FTCDNL1: variants seen among roughly 807,000 people sequenced by gnomAD.
FTCDNL1 encodes the protein formiminotransferase N-terminal subdomain-containing protein.
Under a neutral mutation model 5.9 loss-of-function variants are expected in FTCDNL1, and 11 were observed. That is an observed-to-expected ratio of 1.87 (90% CI 1.18 to 3.10). The LOEUF is 3.10. Among genes scored for constraint, FTCDNL1 ranks in the 30% most tolerant of loss-of-function variants. The pLI is 0.00. For missense variants in FTCDNL1, 115 were observed against 65.5 expected (o/e 1.76, Z -2.61); for synonymous variants, 58 against 24.8 (o/e 2.34, Z -3.99).
At chr2:199,771,075 G>T (rs1698785177) in intron 3 of FTCDNL1, among the ~76,000 whole-genome samples, 1 of 152,212 alleles carries the variant, frequency 6.6e-6, no homozygotes, top group African/African-American at 2.4e-5. Flanking sequence ...TTCTGAGCAT[G>T]CAATAATGAA....
chr2:199,777,126 C>A (rs1486962604), intron 3 of FTCDNL1, among the ~76,000 whole-genome samples: 1 of 151,822 alleles, frequency 6.6e-6, no homozygotes, highest in African/African-American at 2.4e-5. Context: ...AACCCCGTCT[C>A]CACTAAAAAT....
intron 3 of FTCDNL1, among the ~76,000 whole-genome samples, chr2:199,833,439 C>T (rs1702510749): frequency 6.6e-6 from 1 of 152,154 alleles, no homozygotes; most frequent in African/African-American, 2.4e-5. Context: ...ATATTGCTCC[C>T]CGTTTGTTAA....
chr2:199,724,696 TGTGA>T, the FTCDNL1 span, among the ~76,000 whole-genome samples: 82 of 152,146 alleles, frequency 5.4e-4, no homozygotes, highest in African/African-American at 1.9e-3. Flanking sequence ...TGTGGTTTTG[TGTGA>T]GTTTTTAAAT....
At chr2:199,710,897 T>C in the FTCDNL1 span, among the ~76,000 whole-genome samples, 7 of 152,184 alleles carry the variant, frequency 4.6e-5, no homozygotes, top group Non-Finnish European at 1.0e-4. Context: ...GTGGCAATAA[T>C]GACCTTACAA....
chr2:199,841,907 T>C (rs531238693), intron 3 of FTCDNL1, among the ~76,000 whole-genome samples: 1 of 152,298 alleles, frequency 6.6e-6, no homozygotes, highest in East Asian at 1.9e-4. Context: ...CTTAAAACAC[T>C]TCAGTGGTTA....
downstream of FTCDNL1, among the ~76,000 whole-genome samples, chr2:199,808,423 G>T (rs1700845829): frequency 6.6e-6 from 1 of 152,006 alleles, no homozygotes; most frequent in South Asian, 2.1e-4. Context: ...CATACAATTT[G>T]CCACTTTAGC....
At chr2:199,813,650 T>C (rs1000284178) in intron 4 of FTCDNL1, among the ~76,000 whole-genome samples, 3 of 152,148 alleles carry the variant, frequency 2.0e-5, no homozygotes, top group South Asian at 2.1e-4. Flanking sequence ...CGGTGGATCA[T>C]ACCTATAATC....
At chr2:199,806,490 C>G (rs115246522), downstream of FTCDNL1, among the ~76,000 whole-genome samples, 669 of 152,306 alleles carry the variant, frequency 4.4e-3, 3 homozygotes, top group African/African-American at 0.014. Flanking sequence ...GTATATCAAG[C>G]CTGCTTTGGC....
In FTCDNL1 at chr2:199,811,104, G is replaced by T. The variant is rs1014807566; in HGVS notation, c.*1601C>A. Among the ~76,000 whole-genome samples, 2 of 152,182 alleles carry T rather than the reference G, an allele frequency of 1.3e-5. No homozygotes were observed. The highest frequency in any genetic ancestry group is 2.9e-5 in the Non-Finnish European group (2 of 68,030). On this transcript the variant is annotated 3_prime_UTR_variant, in exon 5 of 5. Transcript: ENST00000420128. ...TTCCTCCTGGGAATTCTGCAGGAAT[G>T]AATCAGATTACAGTATTTCCCCATA...
At chr2:199,679,897 T>C in the FTCDNL1 span, among the ~76,000 whole-genome samples, 1 of 152,204 alleles carries the variant, frequency 6.6e-6, no homozygotes, top group Non-Finnish European at 1.5e-5. Flanking sequence ...ACATTAACTT[T>C]CAAAGAAATT....
chr2:199,775,555 T>A (rs1471181910), intron 3 of FTCDNL1, among the ~76,000 whole-genome samples: 6 of 152,326 alleles, frequency 3.9e-5, no homozygotes, highest in Admixed American at 6.5e-5. Flanking sequence ...GGGAAATCAG[T>A]GGCTTAGATC....
downstream of FTCDNL1, among the ~76,000 whole-genome samples, chr2:199,805,624 A>G (rs71424237): frequency 6.6e-6 from 1 of 152,122 alleles, no homozygotes; most frequent in Non-Finnish European, 1.5e-5. Context: ...CTGTAATCCC[A>G]GCTACTCCAG....
chr2:199,721,406 T>C, the FTCDNL1 span, among the ~76,000 whole-genome samples: 44 of 152,308 alleles, frequency 2.9e-4, 1 homozygote, highest in East Asian at 8.1e-3. Flanking sequence ...TTGTTGAGGA[T>C]AATGGCTTCC....
chr2:199,754,471 C>T, the FTCDNL1 span, among the ~76,000 whole-genome samples: 6 of 152,104 alleles, frequency 3.9e-5, no homozygotes, highest in East Asian at 1.2e-3. Context: ...TCTTTAACAC[C>T]AGGAGGCCAC....
At chr2:199,731,112 A>G in the FTCDNL1 span, among the ~76,000 whole-genome samples, 70 of 152,338 alleles carry the variant, frequency 4.6e-4, no homozygotes, top group African/African-American at 1.6e-3. Context: ...CAAACACTGC[A>G]TGTTCTCACT....
At chr2:199,673,053 C>T in the FTCDNL1 span, among the ~76,000 whole-genome samples, 9 of 152,172 alleles carry the variant, frequency 5.9e-5, no homozygotes, top group South Asian at 2.1e-4. Context: ...ATTGGCTGGG[C>T]ACAGTGGCTC....
the FTCDNL1 span, among the ~76,000 whole-genome samples, chr2:199,704,191 C>T: frequency 6.6e-6 from 1 of 152,076 alleles, no homozygotes; most frequent in African/African-American, 2.4e-5. Flanking sequence ...TTGTATTTTC[C>T]AACACATTCT....
downstream of FTCDNL1, among the ~76,000 whole-genome samples, chr2:199,756,408 C>T (rs1433563555): frequency 1.3e-5 from 2 of 152,170 alleles, no homozygotes; most frequent in South Asian, 2.1e-4. Flanking sequence ...TTTTCTTCCA[C>T]CAGCCAGCGG....
chr2:199,807,111 G>C (rs1011117063), downstream of FTCDNL1, among the ~76,000 whole-genome samples: 2 of 152,160 alleles, frequency 1.3e-5, no homozygotes, highest in Admixed American at 1.3e-4. Flanking sequence ...AGCTCATTCT[G>C]TCAGGTCTTC....
Sources: gnomAD v4.1 joint callset for allele counts (sites outside exome capture counted in the v4.1 genomes callset) on GRCh38, gnomAD v4.1.1 for gene constraint, MANE v1.5 for transcripts, NCBI Gene and HGNC (gene_info 2026-07-23, HGNC 2026-07-21) for gene names.